The following CACNA2D1 variants were observed in gnomAD, a reference collection of about 807,000 sequenced individuals.
The protein encoded by CACNA2D1 is calcium voltage-gated channel auxiliary subunit alpha2delta 1, also known as voltage-dependent calcium channel subunit alpha-2/delta-1.
In CACNA2D1, 53 loss-of-function variants were observed where a neutral mutation model predicts 171.5. The ratio of observed to expected loss-of-function variants is 0.31; its 90% CI spans 0.25 to 0.39. CACNA2D1 has a LOEUF of 0.39. CACNA2D1 is among the 10% of genes least tolerant of loss of function. The probability of loss-of-function intolerance (pLI) is 1.00; values close to 1 mark genes in which losing one functional copy is unlikely to be tolerated. For synonymous variants in CACNA2D1, 442 were observed against 443.1 expected (o/e 1.00, Z 0.03); for missense variants, 903 against 1,299.8 (o/e 0.69, Z 4.69).
At chr7:82,374,119 G>T (rs1290032228) in intron 1 of CACNA2D1, among the ~76,000 whole-genome samples, 4 of 152,128 alleles carry the variant, frequency 2.6e-5, no homozygotes, top group Non-Finnish European at 5.9e-5. Flanking sequence ...TACTTGCCAG[G>T]GAACATTACA....
chr7:82,079,816 G>C (rs1809480701), intron 7 of CACNA2D1, among the ~76,000 whole-genome samples: 1 of 151,870 alleles, frequency 6.6e-6, no homozygotes, highest in Admixed American at 6.6e-5. Flanking sequence ...CATAATTACA[G>C]TTAGAGAGGA....
At chr7:82,033,641 T>G (rs979367676) in intron 11 of CACNA2D1, among the ~76,000 whole-genome samples, 1 of 150,160 alleles carries the variant, frequency 6.7e-6, no homozygotes, top group Admixed American at 6.6e-5. Flanking sequence ...CCTCTTATCC[T>G]CTCTCAACCA....
At chr7:82,165,283 T>G (rs1242138869) in intron 4 of CACNA2D1, among the ~76,000 whole-genome samples, 1 of 152,014 alleles carries the variant, frequency 6.6e-6, no homozygotes. Context: ...TATATCTACA[T>G]GTACTTTATC....
rs371732914 is a variant in CACNA2D1 at position 82,328,431 on chromosome 7, T to A, written c.294+6704A>T. ...GCCCTAGATTTTATTCCTCAGTAAT[T>A]TTACTTACCCATAATAGACTCCTTT... On this transcript the variant is annotated intron_variant, in intron 3 of 38. Transcript: ENST00000356860. Among the ~76,000 whole-genome samples the A allele has an allele frequency of 4.1e-4, 62 of 152,268 alleles. No individual in the cohort carries two copies. In the South Asian group the frequency reaches 0.013, roughly 31 times the overall value.
At chr7:82,012,407 G>A (rs2130929503) in intron 14 of CACNA2D1, among the ~76,000 whole-genome samples, 164 bp from the exon 15 acceptor site, 1 of 152,198 alleles carries the variant, frequency 6.6e-6, no homozygotes, top group Admixed American at 6.5e-5. Flanking sequence ...TACTCCATAG[G>A]TGGTATGGCT....
rs531017338 is a variant in CACNA2D1 at position 82,326,826 on chromosome 7, C to T, written c.294+8309G>A. Among the ~76,000 whole-genome samples, 31 of 150,794 alleles carry T rather than the reference C, an allele frequency of 2.1e-4. 1 individual carries two copies. The highest frequency in any genetic ancestry group is 7.0e-4 in the African/African-American group (29 of 41,360). ...TTGACCATTATCAGATCCTATCTAACGTGATTCCTGGTTTCAAATACTTCA... is the reference window on the plus strand; with the variant it reads ...TTGACCATTATCAGATCCTATCTAATGTGATTCCTGGTTTCAAATACTTCA... On this transcript the variant is annotated intron_variant, in intron 3 of 38. Coordinates refer to ENST00000356860, the MANE Select transcript of CACNA2D1 (RefSeq NM_000722.4).
chr7:82,146,441 TATATATATAAAGATATATATAA>T (rs1406824391), intron 4 of CACNA2D1, among the ~76,000 whole-genome samples: 3 of 130,074 alleles, frequency 2.3e-5, no homozygotes, highest in African/African-American at 5.2e-5. Context: ...TATTTATATT[TATATATATAAAGATATATATAA>T]ATATATATCT....
intron 3 of CACNA2D1, among the ~76,000 whole-genome samples, chr7:82,225,936 AAGG>A (rs1802309524): frequency 6.6e-6 from 1 of 152,190 alleles, no homozygotes; most frequent in Admixed American, 6.5e-5. Context: ...TAAAAACTAA[AAGG>A]ATAATAGTCA....
intron 4 of CACNA2D1, among the ~76,000 whole-genome samples, chr7:82,151,128 G>A (rs1315722310): frequency 2.6e-5 from 4 of 151,980 alleles, no homozygotes; most frequent in Non-Finnish European, 4.4e-5. Flanking sequence ...TCTCAACATA[G>A]CCCTAGTTAA....
At chr7:82,103,593 ATTT>A (rs1270269614) in intron 6 of CACNA2D1, among the ~76,000 whole-genome samples, 1 of 152,096 alleles carries the variant, frequency 6.6e-6, no homozygotes, top group Non-Finnish European at 1.5e-5. Flanking sequence ...TTTTATGTTA[ATTT>A]TTTATTATTT....
At chr7:82,190,719 C>T (rs1355172523) in intron 3 of CACNA2D1, among the ~76,000 whole-genome samples, 5 of 151,532 alleles carry the variant, frequency 3.3e-5, no homozygotes, top group East Asian at 3.9e-4. Flanking sequence ...TCACCATTTC[C>T]TCTTGGTATT....
At chr7:82,103,901 A>G (rs1812996464) in intron 6 of CACNA2D1, among the ~76,000 whole-genome samples, 1 of 151,828 alleles carries the variant, frequency 6.6e-6, no homozygotes, top group South Asian at 2.1e-4. Context: ...ACTTTATTTA[A>G]AAGATTATAA....
intron 4 of CACNA2D1, among the ~76,000 whole-genome samples, chr7:82,138,434 TTTTTTG>T (rs1791947184): frequency 1.3e-5 from 1 of 74,182 alleles, no homozygotes; most frequent in Non-Finnish European, 2.5e-5. Context: ...TAGTTTTGTT[TTTTTTG>T]TTTTTTTTGT....
intron 3 of CACNA2D1, among the ~76,000 whole-genome samples, chr7:82,270,060 C>G (rs1808414467): frequency 6.6e-6 from 1 of 152,146 alleles, no homozygotes; most frequent in South Asian, 2.1e-4. Flanking sequence ...CATTGTTCTG[C>G]CCTTCTGGTT....
chr7:81,967,787 T>G, intron 29 of CACNA2D1, 124 bp from the exon 30 acceptor site: 1 of 599,628 alleles, frequency 1.7e-6, no homozygotes, highest in East Asian at 2.8e-5. Context: ...AGTTTTGTGT[T>G]CATTAAGAAA....
At chr7:82,109,942 A>G (rs77959549) in intron 6 of CACNA2D1, among the ~76,000 whole-genome samples, 12,379 of 152,210 alleles carry the variant, frequency 0.081, 598 homozygotes, top group South Asian at 0.16. Flanking sequence ...ATCCATAGCT[A>G]AACCCTGATG....
intron 3 of CACNA2D1, among the ~76,000 whole-genome samples, chr7:82,244,639 G>A (rs774402559): frequency 6.6e-6 from 1 of 151,868 alleles, no homozygotes; most frequent in Non-Finnish European, 1.5e-5. Flanking sequence ...GGGAAAAAAA[G>A]CAAGCAAAAA....
chr7:82,242,997 T>C (rs1376673716), intron 3 of CACNA2D1, among the ~76,000 whole-genome samples: 1 of 152,142 alleles, frequency 6.6e-6, no homozygotes, highest in Non-Finnish European at 1.5e-5. Flanking sequence ...AGAAACTTTT[T>C]AAAGTATTCA....
At chr7:82,077,718 C>T (rs771613502) in intron 7 of CACNA2D1, among the ~76,000 whole-genome samples, 1 of 147,400 alleles carries the variant, frequency 6.8e-6, no homozygotes, top group Non-Finnish European at 1.5e-5. Flanking sequence ...CAACTATATA[C>T]ATTTATAGTT....
Sources: gnomAD v4.1 joint callset for allele counts (sites outside exome capture counted in the v4.1 genomes callset) on GRCh38, gnomAD v4.1.1 for gene constraint, MANE v1.5 for transcripts, NCBI Gene and HGNC (gene_info 2026-07-23, HGNC 2026-07-21) for gene names.